The following ZNF385D variants were observed in gnomAD, a reference collection of about 807,000 sequenced individuals.
ZNF385D encodes the protein zinc finger protein 659.
In ZNF385D, 15 loss-of-function variants were observed where a neutral mutation model predicts 35.8. The ratio of observed to expected loss-of-function variants is 0.42; its 90% CI spans 0.28 to 0.64. The LOEUF is 0.64. ZNF385D is among the 30% of genes least tolerant of loss of function. The pLI is 0.23. For synonymous variants in ZNF385D, 212 were observed against 186.8 expected (o/e 1.13, Z -1.10); for missense variants, 474 against 494.6 (o/e 0.96, Z 0.39).
intron 3 of ZNF385D, among the ~76,000 whole-genome samples, chr3:21,954,937 C>T (rs1375408532): frequency 6.6e-6 from 1 of 152,072 alleles, no homozygotes; most frequent in Non-Finnish European, 1.5e-5. Flanking sequence ...CCCAAGCAAG[C>T]AGCCTGCAAG....
intron 3 of ZNF385D, among the ~76,000 whole-genome samples, chr3:22,009,564 A>G (rs965026452): frequency 1.3e-5 from 2 of 151,236 alleles, no homozygotes; most frequent in African/African-American, 4.9e-5. Context: ...CAGAGCTTGC[A>G]GTGAGGCGAA....
intron 1 of ZNF385D, among the ~76,000 whole-genome samples, chr3:21,750,621 T>A (rs564011408): frequency 6.6e-6 from 1 of 152,208 alleles, no homozygotes; most frequent in Non-Finnish European, 1.5e-5. Flanking sequence ...CCAACTTCAT[T>A]CAGGCAAATC....
rs115961911 is a variant in ZNF385D, at chr3:22,268,845, C to T, written c.107-99810G>A. On this transcript the variant is annotated intron_variant, in intron 2 of 5. Coordinates refer to the ZNF385D transcript ENST00000494108. Reference sequence around the variant, plus strand: ...AGCTGTATAGCCTCATGTAGTTACTCTACCCAATTTTCTCAGTTTCCTTAT... The same window carrying T: ...AGCTGTATAGCCTCATGTAGTTACTTTACCCAATTTTCTCAGTTTCCTTAT... Among the ~76,000 whole-genome samples the T allele has an allele frequency of 4.5e-3, 682 of 151,968 alleles. 7 individuals carry two copies. Among genetic ancestry groups the T allele is most frequent in the African/African-American group, 0.016 (648 of 41,498 alleles).
At chr3:21,947,210 T>A (rs768676426) in intron 3 of ZNF385D, among the ~76,000 whole-genome samples, 4 of 152,194 alleles carry the variant, frequency 2.6e-5, no homozygotes, top group Non-Finnish European at 5.9e-5. Context: ...AGCATCAAAC[T>A]TATAAATACA....
At chr3:21,797,127 C>G (rs1391740972) in intron 3 of ZNF385D, among the ~76,000 whole-genome samples, 2 of 152,210 alleles carry the variant, frequency 1.3e-5, no homozygotes, top group South Asian at 2.1e-4. Context: ...ATACAAAGAA[C>G]TATTCAAGCT....
At chr3:22,346,483 C>A (rs953709123) in intron 2 of ZNF385D, among the ~76,000 whole-genome samples, 1 of 152,142 alleles carries the variant, frequency 6.6e-6, no homozygotes, top group Non-Finnish European at 1.5e-5. Flanking sequence ...TTCACTATTT[C>A]ATTTTATCCC....
At chr3:22,338,698 A>ATT (rs562729331) in intron 2 of ZNF385D, among the ~76,000 whole-genome samples, 6,173 of 125,330 alleles carry the variant, frequency 0.049, 534 homozygotes, top group African/African-American at 0.16. Context: ...TATTCATCTC[A>ATT]TTTTTTTTTT....
chr3:21,435,775 G>T (rs975368575), intron 5 of ZNF385D, among the ~76,000 whole-genome samples: 7 of 152,142 alleles, frequency 4.6e-5, no homozygotes, highest in African/African-American at 1.4e-4. Context: ...TGGAAAATCT[G>T]CAAGGTATAG....
chr3:22,313,651 C>T (rs1190911031), intron 2 of ZNF385D, among the ~76,000 whole-genome samples: 1 of 151,846 alleles, frequency 6.6e-6, no homozygotes, highest in Non-Finnish European at 1.5e-5. Flanking sequence ...TCATAATAAC[C>T]CAAAGGTAAA....
intron 1 of ZNF385D, among the ~76,000 whole-genome samples, chr3:21,723,445 G>C (rs531318273): frequency 1.7e-3 from 262 of 152,286 alleles, no homozygotes; most frequent in Non-Finnish European, 3.0e-3. Flanking sequence ...AACCAGTTTA[G>C]AGAAGAACAT....
intron 3 of ZNF385D, among the ~76,000 whole-genome samples, chr3:21,870,313 A>G (rs1697619330): frequency 6.6e-6 from 1 of 152,134 alleles, no homozygotes; most frequent in African/African-American, 2.4e-5. Context: ...TTGTTCCCCA[A>G]CATGTCTTTT....
At chr3:21,979,847 C>T (rs1293367472) in intron 3 of ZNF385D, 1 of 152,104 alleles carries the variant, frequency 6.6e-6, no homozygotes, top group African/African-American at 2.4e-5. Context: ...GCATTAGTCA[C>T]GTATGTTTGC....
chr3:21,976,469 G>T (rs1183595851), intron 3 of ZNF385D, among the ~76,000 whole-genome samples: 1 of 152,086 alleles, frequency 6.6e-6, no homozygotes, highest in African/African-American at 2.4e-5. Context: ...ATGATAGAGG[G>T]ACGCAGCTGA....
chr3:21,859,046 C>T (rs192253146), intron 3 of ZNF385D, among the ~76,000 whole-genome samples: 23 of 151,624 alleles, frequency 1.5e-4, no homozygotes, highest in Admixed American at 9.9e-4. Flanking sequence ...GGGAAGTAGG[C>T]GGGGAGAGAA....
chr3:22,266,275 A>G (rs1394896412), intron 2 of ZNF385D, among the ~76,000 whole-genome samples: 1 of 151,992 alleles, frequency 6.6e-6, no homozygotes, highest in East Asian at 1.9e-4. Context: ...AGTCATGCCG[A>G]CTGGTAGAAA....
chr3:21,650,622 T>C (rs1435987067), intron 2 of ZNF385D, among the ~76,000 whole-genome samples: 4 of 152,176 alleles, frequency 2.6e-5, no homozygotes, highest in African/African-American at 9.7e-5. Flanking sequence ...ATATGCAATT[T>C]AAAATAACAT....
chr3:22,147,843 TA>T (rs1253332915), intron 3 of ZNF385D, among the ~76,000 whole-genome samples: 2 of 152,134 alleles, frequency 1.3e-5, no homozygotes, highest in African/African-American at 4.8e-5. Context: ...CTGCAGAAAC[TA>T]GGAAAGAAAT....
intron 1 of ZNF385D, among the ~76,000 whole-genome samples, chr3:21,749,017 T>C (rs1340830470): frequency 2.0e-5 from 3 of 152,182 alleles, no homozygotes; most frequent in Non-Finnish European, 4.4e-5. Flanking sequence ...AGAAACAGCA[T>C]TCCTGAATAC....
intron 3 of ZNF385D, among the ~76,000 whole-genome samples, chr3:22,098,069 G>T (rs1269525884): frequency 6.6e-6 from 1 of 152,058 alleles, no homozygotes; most frequent in Non-Finnish European, 1.5e-5. Context: ...TGGCAGAAGA[G>T]GTGGTGGTAG....
Sources: allele counts gnomAD v4.1 joint callset (sites outside exome capture counted in the v4.1 genomes callset), GRCh38; gene constraint gnomAD v4.1.1; transcripts MANE v1.5; gene names NCBI Gene and HGNC (gene_info 2026-07-23, HGNC 2026-07-21).